Variants in TMEM163 observed in about 807,000 individuals in gnomAD.
TMEM163 encodes transmembrane protein 163.
A neutral mutation model predicts 29.3 loss-of-function variants in TMEM163; 17 were observed. The observed-to-expected ratio is 0.58, with a 90% CI of 0.40 to 0.87. The LOEUF is 0.87. Ranked by LOEUF, TMEM163 falls within the 40% of genes least tolerant of loss-of-function variation. The pLI is 0.00. For synonymous variants in TMEM163, 157 were observed against 160.6 expected, an observed-to-expected ratio of 0.98 and a Z score of 0.17; for missense variants, 303 against 381.5, an observed-to-expected ratio of 0.79 and a Z score of 1.71.
intron 4 of TMEM163, among the ~76,000 whole-genome samples, chr2:134,503,495 A>AATG (rs1679746204): frequency 6.6e-6 from 1 of 152,246 alleles, no homozygotes; most frequent in Admixed American, 6.5e-5. Context: ...GAAATGAGAC[A>AATG]ATGCACCAAA....
In TMEM163 at chr2:134,561,306, C is replaced by A. The variant is rs528497349; in HGVS notation, c.323-9215G>T. The stretch of plus-strand genomic sequence containing the variant: ...GCAAGCTCCGCCTTCTGGGTTCACG[C>A]CATTCTCCAGCCTCAGCCTCCCGAG... On this transcript the variant is annotated intron_variant, in intron 2 of 7. Transcript: ENST00000281924. Among the ~76,000 whole-genome samples the A allele has an allele frequency of 3.3e-5, 5 of 152,352 alleles. No homozygotes were observed. The South Asian group carries it at 1.0e-3, about 32-fold the overall frequency.
chr2:134,668,791 T>C (rs1359465879), intron 2 of TMEM163, among the ~76,000 whole-genome samples: 1 of 151,932 alleles, frequency 6.6e-6, no homozygotes, highest in Non-Finnish European at 1.5e-5. Flanking sequence ...AAAAAAAATC[T>C]ACGAAGGGGA....
chr2:134,705,901 C>CATG (rs1368960820), intron 2 of TMEM163, among the ~76,000 whole-genome samples: 6 of 152,254 alleles, frequency 3.9e-5, no homozygotes, highest in African/African-American at 1.2e-4. Flanking sequence ...GGACCCTGAG[C>CATG]ATGAGATGAG....
intron 2 of TMEM163, among the ~76,000 whole-genome samples, chr2:134,603,883 G>C: frequency 6.6e-6 from 1 of 151,354 alleles, no homozygotes; most frequent in Non-Finnish European, 1.5e-5. Context: ...GGGGAAGGGA[G>C]GGGAGGGTAT....
chr2:134,717,200 C>T (rs1685055449), intron 1 of TMEM163, among the ~76,000 whole-genome samples: 1 of 152,162 alleles, frequency 6.6e-6, no homozygotes, highest in Non-Finnish European at 1.5e-5. Flanking sequence ...TGCAATGCTA[C>T]AAAAATAAGC....
intron 4 of TMEM163, 139 bp downstream of exon 4, chr2:134,550,422 ATTGCACTAG>A (rs1250870275): frequency 1.5e-6 from 1 of 654,836 alleles, no homozygotes; most frequent in African/African-American, 1.8e-5. Context: ...CATGGCTGGC[ATTGCACTAG>A]TCACTCTCAG....
At chr2:134,579,794 GAA>G (rs1235960681) in intron 2 of TMEM163, among the ~76,000 whole-genome samples, 1 of 152,172 alleles carries the variant, frequency 6.6e-6, no homozygotes, top group African/African-American at 2.4e-5. Flanking sequence ...ACAAAGTTGT[GAA>G]AATTAAAAGA....
chr2:134,683,307 G>A (rs1268011810), intron 2 of TMEM163, among the ~76,000 whole-genome samples: 3 of 151,960 alleles, frequency 2.0e-5, no homozygotes, highest in Admixed American at 1.3e-4. Flanking sequence ...CACTCTGGTG[G>A]GATCTATTGA....
chr2:134,660,406 C>T (rs1249580179), intron 2 of TMEM163, among the ~76,000 whole-genome samples: 5 of 151,988 alleles, frequency 3.3e-5, no homozygotes, highest in African/African-American at 9.7e-5. Context: ...GGGGCAGATT[C>T]GAGGCATATT....
intron 2 of TMEM163, among the ~76,000 whole-genome samples, chr2:134,636,403 T>C (rs920240558): frequency 1.3e-5 from 2 of 152,238 alleles, no homozygotes; most frequent in Non-Finnish European, 2.9e-5. Context: ...GCAGCTCCTA[T>C]ATAGTATCTT....
rs891742818 is a variant in TMEM163, at chr2:134,651,353, T to C, written c.322+61847A>G. Among the ~76,000 whole-genome samples, 2 of 141,570 alleles carry C rather than the reference T, an allele frequency of 1.4e-5. 1 individual carries two copies. Among genetic ancestry groups the C allele is most frequent in the Non-Finnish European group, 3.0e-5 (2 of 66,870 alleles). 92.9% of individuals were successfully genotyped at this position (141,570 alleles called of 152,430 possible). ...TGCATAAATGTCTTCCTTTAAGAAG[T>C]GTCTGTTCATGTCCTTCGCCCACTT... is the stretch of plus-strand genomic sequence containing the variant. On this transcript the variant is annotated intron_variant, in intron 2 of 7. Coordinates refer to ENST00000281924, the MANE Select transcript of TMEM163 (RefSeq NM_030923.5).
chr2:134,542,138 A>T (rs2106503812), intron 4 of TMEM163, among the ~76,000 whole-genome samples: 1 of 152,372 alleles, frequency 6.6e-6, no homozygotes, highest in Non-Finnish European at 1.5e-5. Flanking sequence ...TGTTCTTGAA[A>T]AGCAAAACAA....
chr2:134,513,184 G>C (rs1426292286), intron 4 of TMEM163, among the ~76,000 whole-genome samples: 1 of 152,202 alleles, frequency 6.6e-6, no homozygotes, highest in African/African-American at 2.4e-5. Flanking sequence ...AAAAGCAAAG[G>C]ATACAGTTAC....
intron 2 of TMEM163, among the ~76,000 whole-genome samples, chr2:134,701,193 G>A (rs1294676232): frequency 1.3e-5 from 2 of 151,644 alleles, no homozygotes; most frequent in Admixed American, 6.6e-5. Flanking sequence ...ATAAAAATTA[G>A]AAAGAAATCA....
intron 2 of TMEM163, among the ~76,000 whole-genome samples, chr2:134,628,860 A>G (rs1421582301): frequency 6.6e-6 from 1 of 152,248 alleles, no homozygotes; most frequent in African/African-American, 2.4e-5. Context: ...GCCTGAGGGT[A>G]GCCTTGGGGA....
intron 2 of TMEM163, among the ~76,000 whole-genome samples, chr2:134,588,552 C>T (rs573611805): frequency 6.6e-6 from 1 of 152,292 alleles, no homozygotes; most frequent in African/African-American, 2.4e-5. Flanking sequence ...GTGCCATTAA[C>T]CAAGGCACAT....
At chr2:134,665,255 C>T (rs889470182) in intron 2 of TMEM163, among the ~76,000 whole-genome samples, 5 of 152,120 alleles carry the variant, frequency 3.3e-5, no homozygotes, top group Non-Finnish European at 7.4e-5. Flanking sequence ...TCAACAGTTC[C>T]ACAAGGCTGG....
intron 2 of TMEM163, among the ~76,000 whole-genome samples, chr2:134,631,272 G>A (rs1208263769): frequency 2.0e-5 from 3 of 152,174 alleles, no homozygotes; most frequent in Non-Finnish European, 4.4e-5. Flanking sequence ...TTCTTGCTAT[G>A]TTGCTTCTAA....
chr2:134,549,205 C>T (rs1435848512), intron 4 of TMEM163, among the ~76,000 whole-genome samples: 2 of 151,900 alleles, frequency 1.3e-5, no homozygotes, highest in African/African-American at 2.4e-5. Context: ...AATTTGCTCT[C>T]ATTAGTGAGT....
Sources: gnomAD v4.1 joint callset for allele counts (sites outside exome capture counted in the v4.1 genomes callset) on GRCh38, gnomAD v4.1.1 for gene constraint, MANE v1.5 for transcripts, NCBI Gene and HGNC (gene_info 2026-07-23, HGNC 2026-07-21) for gene names.